CUX2: variants seen among roughly 807,000 people sequenced by gnomAD.
CUX2 encodes the protein homeobox protein cut-like 2.
CUX2 carries 40 observed loss-of-function variants against 144.8 expected under a neutral mutation model. The ratio of observed to expected loss-of-function variants is 0.28; its 90% CI spans 0.21 to 0.36. The LOEUF (loss-of-function observed/expected upper bound fraction) is 0.36. Ranked by LOEUF, CUX2 falls within the 10% of genes least tolerant of loss-of-function variation. The pLI is 1.00. For synonymous variants in CUX2, 827 were observed against 875.6 expected (o/e 0.94, Z 0.98); for missense variants, 1,615 against 1,994.0 (o/e 0.81, Z 3.62).
At chr12:111,097,172 C>G (rs1316189145) in intron 1 of CUX2, among the ~76,000 whole-genome samples, 1 of 152,196 alleles carries the variant, frequency 6.6e-6, no homozygotes, top group Non-Finnish European at 1.5e-5. Flanking sequence ...GATGGGAGCT[C>G]TGGTCCAGAT....
intron 1 of CUX2, among the ~76,000 whole-genome samples, chr12:111,169,705 C>G (rs1448337909): frequency 6.6e-6 from 1 of 152,212 alleles, no homozygotes; most frequent in East Asian, 1.9e-4. Context: ...GGTCTTAAAA[C>G]GCCCATTAGT....
intron 4 of CUX2, among the ~76,000 whole-genome samples, chr12:111,282,327 A>G (rs58820772): frequency 7.0e-6 from 1 of 142,256 alleles, no homozygotes; most frequent in African/African-American, 3.0e-5. Context: ...ATCTCAAAAA[A>G]AAAAAAAAAA....
chr12:111,271,604 G>A (rs771602519), intron 4 of CUX2, among the ~76,000 whole-genome samples: 34 of 152,338 alleles, frequency 2.2e-4, no homozygotes, highest in Non-Finnish European at 4.1e-4. Flanking sequence ...ATTTGGGAAG[G>A]AAAAGTACAT....
Position 111,334,162 on chromosome 12 carries a change from A to G in CUX2, c.2927-279A>G, listed in dbSNP as rs575818838. 9.3e-5 allele frequency among the ~76,000 whole-genome samples: 14 copies of G among 150,818 alleles called. No homozygotes were observed. In the East Asian group the frequency reaches 1.0e-3, roughly 11 times the overall value. ...AGATCACACCACTGCACTCCAGCCT[A>G]GGCAACAGAGCGAGACTCCGTCTTA... On this transcript the variant is annotated intron_variant, in intron 18 of 21. Transcript: ENST00000261726.
chr12:111,293,428 CT>C lies in CUX2; in HGVS notation c.437-17del. 1 of 1,596,990 alleles carries C rather than the reference CT, an allele frequency of 6.3e-7. No individual in the cohort carries two copies. Among genetic ancestry groups the C allele is most frequent in the African/African-American group, 1.3e-5 (1 of 74,568 alleles). ...GCTCTCTTGGCAATGGGGGTTTTCC[CT>C]CTTTTTCTCCCTGCAGAGCAGAGAG... On this transcript the variant is annotated splice_polypyrimidine_tract_variant and intron_variant, in intron 5 of 21. Transcript: ENST00000261726. This position sits in a 1 kb window ranked among gnomAD's most constrained non-coding sequence, Gnocchi z 4.5.
At chr12:111,340,333 T>A (rs1343801575) in intron 20 of CUX2, among the ~76,000 whole-genome samples, 1 of 152,216 alleles carries the variant, frequency 6.6e-6, no homozygotes, top group Non-Finnish European at 1.5e-5. Context: ...CACCATGCAG[T>A]CAGTAAGTCA....
At chr12:111,119,156 C>T (rs1206799504) in intron 1 of CUX2, among the ~76,000 whole-genome samples, 2 of 152,144 alleles carry the variant, frequency 1.3e-5, no homozygotes, top group Non-Finnish European at 2.9e-5. Context: ...CATTGTGGGC[C>T]ATAGGGTCTC....
chr12:111,207,243 A>C (rs993142090), intron 1 of CUX2, among the ~76,000 whole-genome samples: 2 of 152,266 alleles, frequency 1.3e-5, no homozygotes, highest in African/African-American at 4.8e-5. Flanking sequence ...AATACAAAAG[A>C]CATGTTAGGG....
intron 18 of CUX2, among the ~76,000 whole-genome samples, chr12:111,332,556 G>A (rs1334097021): frequency 1.3e-5 from 2 of 152,138 alleles, no homozygotes; most frequent in Non-Finnish European, 2.9e-5. Flanking sequence ...TCCTGTGGTT[G>A]AACTTGTAGA....
rs184862172 is a variant in CUX2 at position 111,073,299 on chromosome 12, A to G, written c.63+39059A>G. 1.3e-3 allele frequency among the ~76,000 whole-genome samples: 193 copies of G among 152,160 alleles called. 2 individuals carry two copies. The highest frequency in any genetic ancestry group is 2.9e-4 in the Non-Finnish European group (20 of 68,026). On this transcript the variant is annotated intron_variant, in intron 1 of 21. Transcript: ENST00000261726. ...GTGTCTGGTTTCTTTTACCAACATT[A>G]TGTTCTCAAGATTCACCTGTGTTGT...
intron 1 of CUX2, among the ~76,000 whole-genome samples, chr12:111,126,358 C>T (rs1875085472): frequency 6.6e-6 from 1 of 152,130 alleles, no homozygotes. Flanking sequence ...ATGATCCACC[C>T]ACCTTGGCCT....
chr12:111,135,206 A>AG (rs1328092853), intron 1 of CUX2, among the ~76,000 whole-genome samples: 2 of 151,660 alleles, frequency 1.3e-5, no homozygotes, highest in Non-Finnish European at 2.9e-5. Context: ...AAGAAAAAAA[A>AG]AAGAGAAGAA....
intron 9 of CUX2, among the ~76,000 whole-genome samples, chr12:111,303,042 C>CA (rs1886371678): frequency 6.7e-6 from 1 of 148,502 alleles, no homozygotes; most frequent in Non-Finnish European, 1.5e-5. Context: ...GCCAACATGG[C>CA]AAAACCCGTC....
intron 9 of CUX2, among the ~76,000 whole-genome samples, chr12:111,302,843 T>G (rs1175365305): frequency 2.7e-5 from 4 of 145,836 alleles, no homozygotes; most frequent in African/African-American, 1.0e-4. Flanking sequence ...GAGGTTGCAG[T>G]GAGCCAAGAT....
intron 21 of CUX2, among the ~76,000 whole-genome samples, chr12:111,345,428 A>G (rs1211976141): frequency 7.2e-6 from 1 of 139,464 alleles, no homozygotes; most frequent in Admixed American, 7.3e-5. Context: ...CCTGGCAACA[A>G]AGTGAGACTC....
intron 1 of CUX2, among the ~76,000 whole-genome samples, chr12:111,041,414 T>C (rs1469585625): frequency 2.0e-5 from 3 of 152,200 alleles, no homozygotes; most frequent in Non-Finnish European, 4.4e-5. Flanking sequence ...AGTTTTCTCT[T>C]CTCTCTTACT....
chr12:111,245,078 G>A (rs1377886422), intron 3 of CUX2, among the ~76,000 whole-genome samples: 1 of 152,174 alleles, frequency 6.6e-6, no homozygotes, highest in African/African-American at 2.4e-5. Flanking sequence ...AGAAATGGAA[G>A]CAACTTCTCC....
intron 1 of CUX2, among the ~76,000 whole-genome samples, chr12:111,192,641 C>A (rs1007954788): frequency 6.6e-6 from 1 of 152,206 alleles, no homozygotes; most frequent in African/African-American, 2.4e-5. Flanking sequence ...GCAGCCCACC[C>A]GGGGTCTGAC....
intron 3 of CUX2, among the ~76,000 whole-genome samples, chr12:111,260,825 T>C (rs1229285549): frequency 6.6e-6 from 1 of 152,200 alleles, no homozygotes; most frequent in African/African-American, 2.4e-5. Context: ...AGTCTCTCAT[T>C]GGAGGCCAGT....
Sources: allele counts gnomAD v4.1 joint callset (sites outside exome capture counted in the v4.1 genomes callset), GRCh38; gene constraint gnomAD v4.1.1; non-coding constraint Gnocchi (gnomAD v3.1); transcripts MANE v1.5; gene names NCBI Gene and HGNC (gene_info 2026-07-23, HGNC 2026-07-21).